CIB2: variants seen among roughly 807,000 people sequenced by gnomAD.
CIB2 encodes the protein calcium and integrin binding family member 2.
Under a neutral mutation model 23.1 loss-of-function variants are expected in CIB2, and 19 were observed. That is an observed-to-expected ratio of 0.82 (90% CI 0.57 to 1.21). The LOEUF (loss-of-function observed/expected upper bound fraction) is 1.21. Among genes scored for constraint, CIB2 ranks in the 50% most tolerant of loss-of-function variants. The pLI, the probability that CIB2 is intolerant of heterozygous loss-of-function variation, is 0.00. For synonymous variants in CIB2, 94 were observed against 91.7 expected (o/e 1.03, Z -0.14); for missense variants, 220 against 241.5 (o/e 0.91, Z 0.59).
Position 78,131,430 on chromosome 15 carries a change from C to A in CIB2, c.-215G>T, listed in dbSNP as rs2074455342. The A allele has an allele frequency of 5.1e-6, 1 of 194,640 alleles. No homozygotes were observed. The highest frequency in any genetic ancestry group is 1.5e-4 in the East Asian group (1 of 6,572). 12.1% of individuals were successfully genotyped at this position (194,640 alleles called of 1,614,324 possible). On this transcript the variant is annotated 5_prime_UTR_variant, in exon 1 of 6. Transcript: ENST00000258930. The surrounding 1 kb of genome is among the most constrained non-coding windows in gnomAD (Gnocchi z 5.8). ...GGAACCCGGAGCGGCAGCGACTCCG[C>A]CGCCGGCGGGAAGAGGGCGGGGCAC...
chr15:78,125,440 C>T (rs901650267), intron 1 of CIB2, among the ~76,000 whole-genome samples: 1 of 152,150 alleles, frequency 6.6e-6, no homozygotes, highest in African/African-American at 2.4e-5. Context: ...CTCCCCTCTT[C>T]TCTCTCCTAT....
Position 78,113,454 on chromosome 15 carries a change from T to C in CIB2, c.87-2178A>G, listed in dbSNP as rs187328241. Among the ~76,000 whole-genome samples the C allele has an allele frequency of 1.4e-4, 21 of 152,174 alleles. No individual in the cohort carries two copies. The East Asian group carries it at 3.5e-3, about 25-fold the overall frequency. On this transcript the variant is annotated intron_variant, in intron 2 of 5. Coordinates refer to ENST00000258930, the MANE Select transcript of CIB2 (RefSeq NM_006383.4). The stretch of plus-strand genomic sequence containing the variant: ...TCCTATTTCTTGCATAGAGGAAAAC[T>C]ACTTTTTTTTTTTTACACTGTCCCC...
rs60332437 is a variant in CIB2 at position 78,117,246 on chromosome 15, C to CAAAAAAAAAAAAAAAAAAAAA, written c.87-5991_87-5971dup. On this transcript the variant is annotated intron_variant, in intron 2 of 5. Transcript: ENST00000258930. Reference sequence around the variant, plus strand: ...GTTAAGTGTTTCTTCAAGCTACTGGCAAAAAAAAAAAAAAAAAAAAAAAAA... The same window carrying CAAAAAAAAAAAAAAAAAAAAA: ...GTTAAGTGTTTCTTCAAGCTACTGGCAAAAAAAAAAAAAAAAAAAAAAAAAAAAAAAAAAAAAAAAAAAAAA... 1.4e-3 allele frequency among the ~76,000 whole-genome samples: 80 copies of CAAAAAAAAAAAAAAAAAAAAA among 55,474 alleles called. 14 individuals carry two copies. Among genetic ancestry groups the CAAAAAAAAAAAAAAAAAAAAA allele is most frequent in the East Asian group, 8.8e-3 (7 of 800 alleles). The allele number at this position is 55,474 out of a possible 152,430, so 36.4% of individuals were successfully genotyped here.
At chr15:78,111,312 T>TGCC in intron 2 of CIB2, 36 bp from the exon 3 acceptor site, 1 of 1,527,048 alleles carries the variant, frequency 6.5e-7, no homozygotes, top group Non-Finnish European at 9.0e-7. Context: ...CTGGAGGGGG[T>TGCC]GCCATCCCTA....
Position 78,123,454 on chromosome 15 carries a change from G to A in CIB2, c.86+251C>T, listed in dbSNP as rs74867614. On this transcript the variant is annotated intron_variant, in intron 2 of 5. Transcript: ENST00000258930. Reference sequence around the variant, plus strand: ...AATGAGGATTAAATAAGAATGTGCCGGAAACTACCCACCTGAAAGCTCATA... The same window carrying A: ...AATGAGGATTAAATAAGAATGTGCCAGAAACTACCCACCTGAAAGCTCATA... 6.0e-3 allele frequency among the ~76,000 whole-genome samples: 916 copies of A among 152,232 alleles called. 12 individuals carry two copies. The highest frequency in any genetic ancestry group is 0.021 in the African/African-American group (868 of 41,538).
At chr15:78,129,538 T>C (rs1055893871) in intron 1 of CIB2, among the ~76,000 whole-genome samples, 1 of 152,106 alleles carries the variant, frequency 6.6e-6, no homozygotes, top group Non-Finnish European at 1.5e-5. Context: ...ACCCGACCTA[T>C]CTTCCCAAGG....
chr15:78,124,769 G>T (rs1022136571), intron 1 of CIB2, among the ~76,000 whole-genome samples: 3 of 152,228 alleles, frequency 2.0e-5, no homozygotes, highest in African/African-American at 7.2e-5. Context: ...ACCAGAGCCA[G>T]CTCTGATGAG....
chr15:78,109,496 C>T lies in CIB2; in HGVS notation c.199-114G>A, dbSNP rs148066061. On this transcript the variant is annotated intron_variant, in intron 3 of 5. Coordinates refer to ENST00000258930, the MANE Select transcript of CIB2 (RefSeq NM_006383.4). ...GAGGAGTGACCAAATCCCTCTGAGC[C>T]TCGGTTTCCCCATCTGTAAAAAGGG... 6.0e-6 allele frequency: 7 copies of T among 1,159,994 alleles called. No homozygotes were observed. In the African/African-American group the frequency reaches 9.1e-5, roughly 15 times the overall value. The allele number at this position is 1,159,994 out of a possible 1,614,324, so 71.9% of individuals were successfully genotyped here.
intron 2 of CIB2, among the ~76,000 whole-genome samples, chr15:78,115,037 C>G (rs760520302): frequency 2.0e-5 from 3 of 152,050 alleles, no homozygotes; most frequent in Non-Finnish European, 2.9e-5. Context: ...AAATCTGTGG[C>G]TACAAATCAT....
chr15:78,107,234 CAAAAAT>C (rs527279074), intron 4 of CIB2, among the ~76,000 whole-genome samples: 143 of 152,000 alleles, frequency 9.4e-4, no homozygotes, highest in Middle Eastern at 3.4e-3. Flanking sequence ...GACTCTATCT[CAAAAAT>C]AAAAAAAGAA....
At chr15:78,106,347 C>T (rs745314108) in intron 4 of CIB2, among the ~76,000 whole-genome samples, 2 of 152,202 alleles carry the variant, frequency 1.3e-5, no homozygotes, top group African/African-American at 2.4e-5. Context: ...GAGAGCCACT[C>T]GGAGATGGAG....
intron 2 of CIB2, among the ~76,000 whole-genome samples, chr15:78,122,352 C>T (rs901609937): frequency 2.6e-5 from 4 of 152,132 alleles, no homozygotes; most frequent in South Asian, 2.1e-4. Flanking sequence ...TGAAAATGGC[C>T]GTGGGCCTCA....
chr15:78,131,103 A>G lies in CIB2; in HGVS notation c.51+62T>C. 6.9e-7 allele frequency: 1 copy of G among 1,452,954 alleles called. No individual in the cohort carries two copies. The highest frequency in any genetic ancestry group is 9.3e-7 in the Non-Finnish European group (1 of 1,079,472). The allele number at this position is 1,452,954 out of a possible 1,614,324, so 90.0% of individuals were successfully genotyped here. On this transcript the variant is annotated intron_variant, in intron 1 of 5. Transcript: ENST00000258930. The surrounding 1 kb of genome is among the most constrained non-coding windows in gnomAD (Gnocchi z 5.8). ...CTCGGGAGGCCTCGGCCAGCGACCG[A>G]GAAAAGGGAGGGGCGGCGGGGCGGC... is the stretch of plus-strand genomic sequence containing the variant.
At chr15:78,129,088 C>A (rs1011233801) in intron 1 of CIB2, among the ~76,000 whole-genome samples, 5 of 152,056 alleles carry the variant, frequency 3.3e-5, no homozygotes, top group African/African-American at 1.2e-4. Flanking sequence ...ATCACCGGCA[C>A]CGGGAACCAA....
intron 1 of CIB2, among the ~76,000 whole-genome samples, chr15:78,124,239 A>C (rs1256844974): frequency 1.3e-5 from 2 of 152,100 alleles, no homozygotes; most frequent in Non-Finnish European, 2.9e-5. Flanking sequence ...AGACTGGGGA[A>C]GCATCAGTAT....
chr15:78,123,776 C>A, intron 1 of CIB2, 37 bp from the exon 2 acceptor site: 1 of 1,612,544 alleles, frequency 6.2e-7, no homozygotes, highest in Non-Finnish European at 8.5e-7. Flanking sequence ...AGTCAGTGTG[C>A]GGCTCCCAGA....
intron 2 of CIB2, among the ~76,000 whole-genome samples, chr15:78,117,627 T>C (rs912962215): frequency 6.6e-6 from 1 of 152,200 alleles, no homozygotes. Flanking sequence ...CATATACAGA[T>C]TGAAAGATCT....
intron 2 of CIB2, among the ~76,000 whole-genome samples, chr15:78,113,376 G>T (rs1426568364): frequency 6.6e-6 from 1 of 152,138 alleles, no homozygotes; most frequent in East Asian, 1.9e-4. Flanking sequence ...ATGCCAGGGC[G>T]GTGGGATCAA....
At position 78,111,197 on chromosome 15, in the gene CIB2, T is replaced by C. The variant is rs560859905; in HGVS notation, c.166A>G (p.Met56Val). 4.4e-5 allele frequency: 71 copies of C among 1,614,028 alleles called. No homozygotes were observed. The highest frequency in any genetic ancestry group is 4.2e-4 in the South Asian group (38 of 91,094). The part of the protein sequence containing the change: ...YRKSPIVHVP[M>V]SLIIQMPELR... ...TCTGGCATCTGGATGATGAGGCTCA[T>C]GGGCACGTGGACGATGGGGCTCTTC... Residue 56 changes from methionine (M) to valine (V), a missense_variant, in exon 3 of 6, where the codon ATG becomes GTG. Transcript: ENST00000258930.
Sources: allele counts gnomAD v4.1 joint callset (sites outside exome capture counted in the v4.1 genomes callset), GRCh38; gene constraint gnomAD v4.1.1; non-coding constraint Gnocchi (gnomAD v3.1); transcripts MANE v1.5; gene names NCBI Gene and HGNC (gene_info 2026-07-23, HGNC 2026-07-21).